GALNT13: variants seen among roughly 807,000 people sequenced by gnomAD.
GALNT13 encodes the protein UDP-GalNAc:polypeptide N-acetylgalactosaminyltransferase 13.
GALNT13 carries 28 observed loss-of-function variants against 64.2 expected under a neutral mutation model. The observed-to-expected ratio is 0.44, with a 90% CI of 0.32 to 0.60. GALNT13 has a LOEUF of 0.60. GALNT13 is among the 20% of genes least tolerant of loss of function. The probability of loss-of-function intolerance (pLI) is 0.05; values close to 1 mark genes in which losing one functional copy is unlikely to be tolerated. For synonymous variants in GALNT13, 214 were observed against 224.6 expected, an observed-to-expected ratio of 0.95 and a Z score of 0.42; for missense variants, 577 against 669.8, an observed-to-expected ratio of 0.86 and a Z score of 1.53.
the GALNT13 span, among the ~76,000 whole-genome samples, chr2:153,424,425 A>G: frequency 6.6e-6 from 1 of 151,826 alleles, no homozygotes; most frequent in Non-Finnish European, 1.5e-5. Flanking sequence ...ATATGCAAAT[A>G]ATTTCTTCCA....
the GALNT13 span, among the ~76,000 whole-genome samples, chr2:153,196,146 G>A: frequency 6.6e-6 from 1 of 152,100 alleles, no homozygotes; most frequent in Non-Finnish European, 1.5e-5. Context: ...TCCCATCCCA[G>A]GTTTCTTGGG....
chr2:153,149,363 T>G, the GALNT13 span, among the ~76,000 whole-genome samples: 3 of 151,846 alleles, frequency 2.0e-5, no homozygotes, highest in South Asian at 2.1e-4. Flanking sequence ...GTGTCTGCTT[T>G]CTTTTTTTCT....
the GALNT13 span, among the ~76,000 whole-genome samples, chr2:153,722,681 T>C: frequency 6.6e-6 from 1 of 152,248 alleles, no homozygotes; most frequent in South Asian, 2.1e-4. Flanking sequence ...AACACCTCTG[T>C]GCAAATAAAC....
chr2:153,824,303 G>A, the GALNT13 span, among the ~76,000 whole-genome samples: 1 of 152,020 alleles, frequency 6.6e-6, no homozygotes, highest in Non-Finnish European at 1.5e-5. Context: ...CAACCACTGT[G>A]GAAGCAGTTT....
At chr2:154,174,530 G>A (rs932598333) in intron 4 of GALNT13, among the ~76,000 whole-genome samples, 1 of 152,044 alleles carries the variant, frequency 6.6e-6, no homozygotes, top group Non-Finnish European at 1.5e-5. Context: ...AGATACACAC[G>A]ACCTTTGAAA....
At chr2:154,231,311 A>T (rs1688901616) in intron 4 of GALNT13, among the ~76,000 whole-genome samples, 1 of 152,064 alleles carries the variant, frequency 6.6e-6, no homozygotes, top group Non-Finnish European at 1.5e-5. Flanking sequence ...TAGTTGCTAA[A>T]ATAATAATGT....
chr2:154,364,675 G>C (rs1697264673), intron 9 of GALNT13, among the ~76,000 whole-genome samples: 1 of 151,198 alleles, frequency 6.6e-6, no homozygotes, highest in Non-Finnish European at 1.5e-5. Context: ...GTTTTGTTTT[G>C]TTTTGTTTTG....
At chr2:154,211,703 A>G (rs1296173796) in intron 4 of GALNT13, among the ~76,000 whole-genome samples, 2 of 151,764 alleles carry the variant, frequency 1.3e-5, no homozygotes, top group African/African-American at 4.8e-5. Context: ...ATGCAGCATT[A>G]AAATCATATG....
chr2:153,784,997 C>G, the GALNT13 span, among the ~76,000 whole-genome samples: 11 of 152,164 alleles, frequency 7.2e-5, no homozygotes, highest in African/African-American at 2.4e-4. Context: ...TCTTGGTTCT[C>G]TTCACTAGGT....
At chr2:154,415,942 A>G (rs1699989519) in intron 11 of GALNT13, among the ~76,000 whole-genome samples, 1 of 152,172 alleles carries the variant, frequency 6.6e-6, no homozygotes, top group Non-Finnish European at 1.5e-5. Flanking sequence ...AGTTAAATAG[A>G]ATGGCCTATG....
intron 10 of GALNT13, among the ~76,000 whole-genome samples, chr2:154,404,945 T>C (rs1407207880): frequency 2.6e-5 from 4 of 151,530 alleles, no homozygotes; most frequent in Admixed American, 2.0e-4. Flanking sequence ...AAATTGATCT[T>C]ATGCAAAAAA....
chr2:153,507,403 C>A, the GALNT13 span, among the ~76,000 whole-genome samples: 1 of 152,144 alleles, frequency 6.6e-6, no homozygotes, highest in East Asian at 1.9e-4. Flanking sequence ...GCCTCAGCCT[C>A]CCAAGTAGCT....
intron 3 of GALNT13, among the ~76,000 whole-genome samples, chr2:154,043,500 G>T (rs1038466668): frequency 7.3e-6 from 1 of 136,612 alleles, no homozygotes; most frequent in Non-Finnish European, 1.5e-5. Context: ...TAGAAATAAG[G>T]TCTCTATTTA....
chr2:153,403,774 G>A, the GALNT13 span, among the ~76,000 whole-genome samples: 4 of 152,152 alleles, frequency 2.6e-5, no homozygotes, highest in African/African-American at 9.7e-5. Flanking sequence ...GCAATGCCTT[G>A]CCCTGCTTCG....
At chr2:154,090,766 C>T (rs923578818) in intron 3 of GALNT13, among the ~76,000 whole-genome samples, 2 of 151,862 alleles carry the variant, frequency 1.3e-5, no homozygotes, top group Non-Finnish European at 2.9e-5. Flanking sequence ...TCCCATGCCA[C>T]ACAAACATGT....
At chr2:153,716,383 C>G in the GALNT13 span, among the ~76,000 whole-genome samples, 1 of 152,108 alleles carries the variant, frequency 6.6e-6, no homozygotes, top group African/African-American at 2.4e-5. Flanking sequence ...CATCAGCTAT[C>G]ATCGGTGATA....
At chr2:153,169,468 C>CA in the GALNT13 span, among the ~76,000 whole-genome samples, 5 of 152,262 alleles carry the variant, frequency 3.3e-5, no homozygotes, top group African/African-American at 1.2e-4. Context: ...TTCCTGAAGA[C>CA]AAAGTTTCTA....
At chr2:153,287,877 C>T in the GALNT13 span, among the ~76,000 whole-genome samples, 1 of 152,152 alleles carries the variant, frequency 6.6e-6, no homozygotes, top group African/African-American at 2.4e-5. Context: ...TCACCTAGGT[C>T]CGTGGGCACA....
At chr2:154,180,006 C>A (rs1685868170) in intron 4 of GALNT13, among the ~76,000 whole-genome samples, 1 of 152,090 alleles carries the variant, frequency 6.6e-6, no homozygotes, top group African/African-American at 2.4e-5. Flanking sequence ...ACAAATTTCA[C>A]AGCAAACTTT....
Sources: allele counts gnomAD v4.1 joint callset (sites outside exome capture counted in the v4.1 genomes callset), GRCh38; gene constraint gnomAD v4.1.1; transcripts MANE v1.5; gene names NCBI Gene and HGNC (gene_info 2026-07-23, HGNC 2026-07-21).